Variants in OBSL1 observed in about 807,000 individuals in gnomAD.
OBSL1 encodes obscurin-like protein 1.
OBSL1 carries 160 observed loss-of-function variants against 172.0 expected under a neutral mutation model. The ratio of observed to expected loss-of-function variants is 0.93; its 90% CI spans 0.82 to 1.06. The LOEUF (loss-of-function observed/expected upper bound fraction) is 1.06. Among genes scored for constraint, OBSL1 ranks in the 50% least tolerant of loss-of-function variants. The pLI is 0.00. For synonymous variants in OBSL1, 1,200 were observed against 1,196.3 expected, an observed-to-expected ratio of 1.00 and a Z score of -0.06; for missense variants, 2,681 against 2,715.4, an observed-to-expected ratio of 0.99 and a Z score of 0.28.
chr2:219,556,414 G>T, intron 13 of OBSL1, 40 bp downstream of exon 13: 1 of 1,608,972 alleles, frequency 6.2e-7, no homozygotes, highest in Non-Finnish European at 8.5e-7. Context: ...GGGAGTACAG[G>T]CACGGGACAC....
At chr2:219,564,542 A>G (rs1258179501) in intron 6 of OBSL1, among the ~76,000 whole-genome samples, 1 of 152,268 alleles carries the variant, frequency 6.6e-6, no homozygotes, top group Non-Finnish European at 1.5e-5. Flanking sequence ...GTGTCCAAAA[A>G]GTGTTTGCTC....
intron 19 of OBSL1, 41 bp downstream of exon 19, chr2:219,552,071 C>G (rs765645272): frequency 6.6e-7 from 1 of 1,518,270 alleles, no homozygotes; most frequent in Non-Finnish European, 9.0e-7. Flanking sequence ...GCAGGAGAGA[C>G]AGGATGTACA....
Position 219,562,611 on chromosome 2 carries a change from C to T in OBSL1, c.2744G>A (p.Arg915His), listed in dbSNP as rs368885281. 3.1e-5 allele frequency: 49 copies of T among 1,602,686 alleles called. No individual in the cohort carries two copies. The highest frequency in any genetic ancestry group is 1.6e-4 in the Middle Eastern group (1 of 6,074). ...KVYVAAVRLE[R>H]VVLTCELCRP... ...GCATAGCTCACAGGTCAGCACCACA[C>T]GCTCCAGGCGCACGGCTGCCACATA... The change falls in exon 8 of 21, where the codon CGT becomes CAT. Residue 915 changes from arginine (R) to histidine (H), a missense_variant. Physicochemically the swap from Arg to His is conservative, Grantham distance 29. This residue lies in a region of OBSL1 where 1,765 missense variants were observed against 1,748.3 expected (regional missense o/e 1.01). Coordinates refer to ENST00000404537, the MANE Select transcript of OBSL1 (RefSeq NM_015311.3).
chr2:219,570,763 G>A lies in OBSL1; in HGVS notation c.470C>T (p.Pro157Leu). ...CCCGTCCTTCTCCCAGTACAGTGTGGGCTCGGGGAGGCCCCCCGCCCGGCA... is the reference window on the plus strand; with the variant it reads ...CCCGTCCTTCTCCCAGTACAGTGTGAGCTCGGGGAGGCCCCCCGCCCGGCA... ...LTCRAGGLPE[P>L]TLYWEKDGMA... Residue 157 changes from proline to leucine, a missense_variant, in exon 1 of 21, where the codon CCC becomes CTC. By Grantham distance (98) the Pro-to-Leu change is moderately conservative (BLOSUM62 -3). Transcript: ENST00000404537. 6.7e-7 allele frequency: 1 copy of A among 1,490,708 alleles called. No homozygotes were observed. Among genetic ancestry groups the A allele is most frequent in the Non-Finnish European group, 8.9e-7 (1 of 1,127,048 alleles). 92.3% of individuals were successfully genotyped at this position (1,490,708 alleles called of 1,614,324 possible).
At chr2:219,547,505 G>A (rs1695414612), downstream of OBSL1, 1 of 1,424,570 alleles carries the variant, frequency 7.0e-7, no homozygotes, top group Non-Finnish European at 9.2e-7. Context: ...TTCCCCTCCA[G>A]GTTACCGCTG....
chr2:219,559,717 A>C, intron 8 of OBSL1: 7 of 542,818 alleles, frequency 1.3e-5, no homozygotes, highest in East Asian at 2.9e-5. Flanking sequence ...TGCGTTTCTC[A>C]TCTATCACAT....
rs528144049 is a variant in OBSL1 at position 219,562,223 on chromosome 2, C to T, written c.2953+179G>A. On this transcript the variant is annotated intron_variant, in intron 8 of 20. Transcript: ENST00000404537. Reference sequence around the variant, plus strand: ...CAGAGCTAGGCCTGGCCTTGGGCACCGGGGAGGGGCTTGTTTCCTTGAATA... The same window carrying T: ...CAGAGCTAGGCCTGGCCTTGGGCACTGGGGAGGGGCTTGTTTCCTTGAATA... Among the ~76,000 whole-genome samples, 4 of 152,226 alleles carry T rather than the reference C, an allele frequency of 2.6e-5. No individual in the cohort carries two copies. In the East Asian group the frequency reaches 7.7e-4, roughly 29 times the overall value.
rs763401035 is a variant in OBSL1, at chr2:219,559,285, C to A, written c.3166G>T (p.Gly1056Trp). 2 of 1,613,652 alleles carry A rather than the reference C, an allele frequency of 1.2e-6. No individual in the cohort carries two copies. Among genetic ancestry groups the A allele is most frequent in the Non-Finnish European group, 1.7e-6 (2 of 1,179,756 alleles). ...CCAGCATCACATACAAACTCGCCCC[C>A]GTCCTCGGGCTGAGCAGCAGGTAGC... ...LVLPAAQPED[G>W]GEFVCDAGDD... The change falls in exon 9 of 21, where the codon GGG becomes TGG. Residue 1056 changes from glycine to tryptophan, a missense_variant. Physicochemically the swap from Gly to Trp is radical, Grantham distance 184 (BLOSUM62 -2). Transcript: ENST00000404537.
At chr2:219,554,169 T>G in intron 15 of OBSL1, 3 of 477,306 alleles carry the variant, frequency 6.3e-6, no homozygotes, top group East Asian at 3.6e-5. Flanking sequence ...ACAGTTAGAG[T>G]GGTCAGTGGG....
At chr2:219,554,187 G>A in intron 15 of OBSL1, 1 of 520,684 alleles carries the variant, frequency 1.9e-6, no homozygotes, top group Middle Eastern at 5.2e-4. Flanking sequence ...GGGGTGGTGT[G>A]CAGGCGGGCA....
chr2:219,563,411 C>A lies in OBSL1; in HGVS notation c.2624G>T (p.Gly875Val). The change falls in exon 7 of 21, where the codon GGC becomes GTC. Residue 875 changes from glycine (G) to valine (V), a missense_variant. By Grantham distance (109) the Gly-to-Val change is moderately radical (BLOSUM62 -3). Transcript: ENST00000404537. ...VLPATQPSDG[G>V]EFQCVAGDEC... is the part of the protein sequence containing the mutation. Reference sequence around the variant, plus strand: ...ATCTCCAGCGACGCACTGAAACTCGCCCCCGTCTGAGGGCTGGGTGGCGGG... The same window carrying A: ...ATCTCCAGCGACGCACTGAAACTCGACCCCGTCTGAGGGCTGGGTGGCGGG... 1 of 1,610,812 alleles carries A rather than the reference C, an allele frequency of 6.2e-7. No individual in the cohort carries two copies.
At chr2:219,549,634 C>A, downstream of OBSL1, 1 of 1,579,812 alleles carries the variant, frequency 6.3e-7, no homozygotes, top group East Asian at 2.2e-5. Flanking sequence ...ATAGAAGTGT[C>A]AGGCTTGTGG....
chr2:219,559,888 A>G (rs1405192995), intron 8 of OBSL1, among the ~76,000 whole-genome samples: 4 of 152,268 alleles, frequency 2.6e-5, no homozygotes, highest in Non-Finnish European at 5.9e-5. Context: ...TTATAGATAT[A>G]CAGCTATAGC....
rs1559138971 is a variant in OBSL1, at chr2:219,557,336, C to T, written c.4066+7G>A. On this transcript the variant is annotated splice_region_variant and intron_variant, in intron 12 of 20. Transcript: ENST00000404537. ...CAGCCCACAGGGTGTGAGGGGTACA[C>T]TGTTACCTTCCACGCTGACAAGGAA... 4 of 1,486,588 alleles carry T rather than the reference C, an allele frequency of 2.7e-6. No individual in the cohort carries two copies. The highest frequency in any genetic ancestry group is 2.7e-6 in the Non-Finnish European group (3 of 1,112,884). 92.1% of individuals were successfully genotyped at this position (1,486,588 alleles called of 1,614,324 possible).
In OBSL1 at chr2:219,559,250, C is replaced by G. The variant is rs771264510; in HGVS notation, c.3201G>C (p.Ser1067=). ...CTGTGACAGTGACAGTGAAGAAGGC[C>G]GAGTCATCTCCAGCATCACATACAA... ...GEFVCDAGDD[S]AFFTVTVTAP... The change falls in exon 9 of 21, where the codon TCG becomes TCC. Residue 1067 remains serine (S), a synonymous_variant. Transcript: ENST00000404537. 6.2e-7 allele frequency: 1 copy of G among 1,609,310 alleles called. No homozygotes were observed. Among genetic ancestry groups the G allele is most frequent in the East Asian group, 2.2e-5 (1 of 44,810 alleles).
At chr2:219,552,474 G>A (rs1343193795) in intron 18 of OBSL1, 62 bp downstream of exon 18, 2 of 1,490,606 alleles carry the variant, frequency 1.3e-6, no homozygotes, top group Admixed American at 2.0e-5. Context: ...CCGGTGGGGC[G>A]GGATCTGTTC....
chr2:219,548,076 C>T (rs773022377), downstream of OBSL1: 98 of 1,551,350 alleles, frequency 6.3e-5, no homozygotes, highest in Non-Finnish European at 7.4e-5. Context: ...GACTCCCACA[C>T]GGAAGGTAAG....
At position 219,568,564 on chromosome 2, in the gene OBSL1, C is replaced by T. The variant is rs55869484; in HGVS notation, c.1013-240G>A. Among the ~76,000 whole-genome samples, 2,830 of 152,238 alleles carry T rather than the reference C, an allele frequency of 0.019. 54 individuals carry two copies. The highest frequency in any genetic ancestry group is 0.056 in the Admixed American group (850 of 15,292). ...AGTCCATTTCAATGCTTCTGGGCCT[C>T]AGTCTCCTTACTTGTAAAATGGGGA... is the stretch of plus-strand genomic sequence containing the variant. On this transcript the variant is annotated intron_variant, in intron 1 of 20. Transcript: ENST00000404537. The surrounding 1 kb of genome is among the most constrained non-coding windows in gnomAD (Gnocchi z 4.1).
intron 3 of OBSL1, 61 bp downstream of exon 3, chr2:219,567,657 C>G (rs1214706120): frequency 5.7e-6 from 9 of 1,589,172 alleles, no homozygotes; most frequent in African/African-American, 1.3e-5. Context: ...ACCAACCCAG[C>G]TCCGGCATCT....
Sources: allele counts gnomAD v4.1 joint callset (sites outside exome capture counted in the v4.1 genomes callset), GRCh38; gene constraint gnomAD v4.1.1; regional missense constraint gnomAD v4.1.1; non-coding constraint Gnocchi (gnomAD v3.1); transcripts MANE v1.5; gene names NCBI Gene and HGNC (gene_info 2026-07-23, HGNC 2026-07-21).